HOOK2: variants seen among roughly 807,000 people sequenced by gnomAD.
The protein encoded by HOOK2 is hook microtubule tethering protein 2, also known as protein Hook homolog 2.
A neutral mutation model predicts 111.9 loss-of-function variants in HOOK2; 108 were observed. That is an observed-to-expected ratio of 0.96 (90% confidence interval 0.83 to 1.13). The LOEUF (loss-of-function observed/expected upper bound fraction) is 1.13. Ranked by LOEUF, HOOK2 falls within the 50% of genes most tolerant of loss-of-function variation. The pLI is 0.00. For synonymous variants in HOOK2, 405 were observed against 394.3 expected, an observed-to-expected ratio of 1.03 and a Z score of -0.32; for missense variants, 978 against 951.3, an observed-to-expected ratio of 1.03 and a Z score of -0.37.
At chr19:12,789,586 C>G (rs1177105288) in intron 3 of HOOK2, among the ~76,000 whole-genome samples, 1 of 151,984 alleles carries the variant, frequency 6.6e-6, no homozygotes, top group Non-Finnish European at 1.5e-5. Context: ...GAAGGGCACC[C>G]CACCCGAGGG....
In HOOK2 at chr19:12,764,846, G is replaced by C. The variant is rs372675413; in HGVS notation, c.1795C>G (p.Arg599Gly). Residue 599 changes from arginine (R) to glycine (G), a missense_variant, in exon 20 of 23, where the codon CGA becomes GGA. By Grantham distance (125) the Arg-to-Gly change is moderately radical (BLOSUM62 -2). Coordinates refer to ENST00000397668, the MANE Select transcript of HOOK2 (RefSeq NM_013312.3). Reference protein sequence around the residue: ...KDADLRAMEERYRRYVDKARM... With the variant: ...KDADLRAMEEGYRRYVDKARM... The stretch of plus-strand genomic sequence containing the variant: ...GCCTTGTCCACGTAGCGGCGGTATC[G>C]CTCCTCCATGGCCCGCAAGTCCGCG... The C allele has an allele frequency of 3.1e-6, 5 of 1,613,902 alleles. No homozygotes were observed. The highest frequency in any genetic ancestry group is 4.2e-6 in the Non-Finnish European group (5 of 1,180,012).
At chr19:12,765,170 A>G in intron 18 of HOOK2, 89 bp from the exon 19 acceptor site, 2 of 1,303,128 alleles carry the variant, frequency 1.5e-6, no homozygotes, top group Non-Finnish European at 2.2e-6. Context: ...CCCGCCAGCC[A>G]GAAATGCCCC....
chr19:12,789,887 T>C (rs1968690508), intron 3 of HOOK2, among the ~76,000 whole-genome samples: 1 of 151,994 alleles, frequency 6.6e-6, no homozygotes, highest in Non-Finnish European at 1.5e-5. Context: ...TGGCAGATAG[T>C]CGGGTTCCCC....
rs1380842781 is a variant in HOOK2 at position 12,790,811 on chromosome 19, G to A, written n.42-16586C>T. ...AGACTTCCCCTAATGCCTCCTTCCC[G>A]CTTACGGGAGAGCCTCAGACTCTGG... On this transcript the variant is annotated intron_variant and non_coding_transcript_variant, in intron 3 of 3. Transcript: ENST00000589765. The surrounding 1 kb of genome is among the most constrained non-coding windows in gnomAD (Gnocchi z 7.2). 6.6e-6 allele frequency among the ~76,000 whole-genome samples: 1 copy of A among 152,016 alleles called. No individual in the cohort carries two copies. The highest frequency in any genetic ancestry group is 1.5e-5 in the Non-Finnish European group (1 of 67,992).
chr19:12,769,741 G>C (rs939754975), intron 11 of HOOK2, 140 bp downstream of exon 11: 1 of 617,770 alleles, frequency 1.6e-6, no homozygotes, highest in Admixed American at 4.4e-5. Flanking sequence ...GAAGAGCAGC[G>C]TGGGTGGAGG....
At chr19:12,788,551 C>T (rs1968676620) in intron 3 of HOOK2, among the ~76,000 whole-genome samples, 1 of 152,086 alleles carries the variant, frequency 6.6e-6, no homozygotes, top group Non-Finnish European at 1.5e-5. Context: ...TGTTCCTTGC[C>T]CTCCTCCTGG....
Position 12,771,033 on chromosome 19 carries a change from G to A in HOOK2, c.801C>T (p.Ala267=), listed in dbSNP as rs749088672. The A allele has an allele frequency of 1.9e-6, 3 of 1,612,830 alleles. No individual in the cohort carries two copies. The highest frequency in any genetic ancestry group is 1.7e-6 in the Non-Finnish European group (2 of 1,179,402). ...SGREDERLRC[A]ELEREVAELQ... is the part of the protein sequence containing the mutation. Reference sequence around the variant, plus strand: ...GCTCCGCAACCTCCCTCTCCAGCTCGGCACAGCGCAGGCGCTCATCCTCCC... The same window carrying A: ...GCTCCGCAACCTCCCTCTCCAGCTCAGCACAGCGCAGGCGCTCATCCTCCC... The change falls in exon 10 of 23, where the codon GCC becomes GCT. Residue 267 remains alanine, a synonymous_variant. Coordinates refer to ENST00000397668, the MANE Select transcript of HOOK2 (RefSeq NM_013312.3).
intron 14 of HOOK2, among the ~76,000 whole-genome samples, chr19:12,767,107 G>A (rs1487361124): frequency 6.6e-6 from 1 of 152,166 alleles, no homozygotes; most frequent in Non-Finnish European, 1.5e-5. Flanking sequence ...GTGGACGCTG[G>A]GGGAAAGGAT....
chr19:12,775,571 G>GCC (rs968658209), upstream of HOOK2: 10 of 730,276 alleles, frequency 1.4e-5, no homozygotes, highest in African/African-American at 2.5e-4. Flanking sequence ...GCCCCGCCCC[G>GCC]CCCCCCTAGG....
intron 3 of HOOK2, among the ~76,000 whole-genome samples, chr19:12,783,520 C>T (rs958500539): frequency 2.0e-5 from 3 of 151,926 alleles, no homozygotes; most frequent in Admixed American, 1.3e-4. Context: ...GCCTGGCCTC[C>T]TGGGGGCCTG....
intron 20 of HOOK2, 138 bp downstream of exon 20, chr19:12,764,676 C>A: frequency 1.4e-6 from 1 of 716,866 alleles, no homozygotes; most frequent in South Asian, 1.7e-5. Context: ...GGGAATCATG[C>A]AGAAGTCTGT....
At chr19:12,774,940 G>A in intron 1 of HOOK2, 43 bp from the exon 2 acceptor site, 1 of 1,572,166 alleles carries the variant, frequency 6.4e-7, no homozygotes. Context: ...TAGGGCCTGG[G>A]AGCGCCGAAC....
In HOOK2 at chr19:12,772,668, C is replaced by T. The variant is rs758165554; in HGVS notation, c.401G>A (p.Arg134Lys). 1.2e-5 allele frequency: 19 copies of T among 1,614,110 alleles called. No individual in the cohort carries two copies. In the Admixed American group the frequency reaches 3.2e-4, roughly 27 times the overall value. ...AACCGATTCTTCCAGCGTCATGATTCTCTGGATGTGGTCTGGGGATCAAGG... is the reference window on the plus strand; with the variant it reads ...AACCGATTCTTCCAGCGTCATGATTTTCTGGATGTGGTCTGGGGATCAAGG... ...SCEKKQDHIQ[R>K]IMTLEESVQH... The change falls in exon 6 of 23, where the codon AGA (arginine) becomes AAA (lysine). Residue 134 changes from arginine to lysine, a missense_variant. Coordinates refer to ENST00000397668, the MANE Select transcript of HOOK2 (RefSeq NM_013312.3).
Position 12,769,908 on chromosome 19 carries a change from G to T in HOOK2, c.1077C>A (p.Arg359=), listed in dbSNP as rs1968265633. The T allele has an allele frequency of 1.3e-6, 2 of 1,515,210 alleles. No homozygotes were observed. Among genetic ancestry groups the T allele is most frequent in the East Asian group, 2.7e-5 (1 of 37,638 alleles). 93.9% of individuals were successfully genotyped at this position (1,515,210 alleles called of 1,614,324 possible). ...EDELRRAGSL[R]AQLEAQRRQV... ...GCCGCCGCTGCGCCTCCAGCTGGGC[G>T]CGCAGGGAGCCCGCTCGGCGTAGCT... The change falls in exon 11 of 23, where the codon CGC becomes CGA. Residue 359 remains arginine (R), a synonymous_variant. Coordinates refer to ENST00000397668, the MANE Select transcript of HOOK2 (RefSeq NM_013312.3).
upstream of HOOK2, among the ~76,000 whole-genome samples, chr19:12,782,300 G>A (rs1027950190): frequency 1.3e-5 from 2 of 152,260 alleles, no homozygotes; most frequent in African/African-American, 4.8e-5. Flanking sequence ...GTGTGTCCGT[G>A]TTCGCTGCGA....
At chr19:12,765,784 C>T (rs754588366) in intron 17 of HOOK2, 45 bp downstream of exon 17, 5 of 1,614,078 alleles carry the variant, frequency 3.1e-6, no homozygotes, top group Non-Finnish European at 4.2e-6. Flanking sequence ...TTCTTCCTTC[C>T]CAGGGTGAGG....
intron 3 of HOOK2, chr19:12,773,274 G>C: frequency 2.0e-6 from 1 of 500,520 alleles, no homozygotes; most frequent in Admixed American, 3.7e-5. Flanking sequence ...TTTTAAGACA[G>C]GGTCTGGCTC....
chr19:12,789,915 C>T (rs1968691038), intron 3 of HOOK2, among the ~76,000 whole-genome samples: 1 of 152,122 alleles, frequency 6.6e-6, no homozygotes, highest in Non-Finnish European at 1.5e-5. Flanking sequence ...GCTCGGGGCC[C>T]CAGGACAGCG....
At chr19:12,779,283 G>C (rs954091320), upstream of HOOK2, among the ~76,000 whole-genome samples, 1 of 151,876 alleles carries the variant, frequency 6.6e-6, no homozygotes, top group Admixed American at 6.6e-5. Flanking sequence ...TTCACATCTG[G>C]GCAGGGATCC....
Sources: allele counts gnomAD v4.1 joint callset (sites outside exome capture counted in the v4.1 genomes callset), GRCh38; gene constraint gnomAD v4.1.1; non-coding constraint Gnocchi (gnomAD v3.1); transcripts MANE v1.5; gene names NCBI Gene and HGNC (gene_info 2026-07-23, HGNC 2026-07-21).